NTRK3: variants seen among roughly 807,000 people sequenced by gnomAD.
The protein encoded by NTRK3 is neurotrophic receptor tyrosine kinase 3.
A neutral mutation model predicts 91.7 loss-of-function variants in NTRK3; 24 were observed. The ratio of observed to expected loss-of-function variants is 0.26; its 90% CI spans 0.19 to 0.37. The LOEUF (loss-of-function observed/expected upper bound fraction) is 0.37, where lower values mean the gene tolerates loss of function less well. NTRK3 is among the 10% of genes least tolerant of loss of function. The probability of loss-of-function intolerance (pLI) is 1.00; values close to 1 mark genes in which losing one functional copy is unlikely to be tolerated. For synonymous variants in NTRK3, 483 were observed against 404.0 expected, an observed-to-expected ratio of 1.20 and a Z score of -2.34; for missense variants, 880 against 1,068.9, an observed-to-expected ratio of 0.82 and a Z score of 2.46.
intron 16 of NTRK3, among the ~76,000 whole-genome samples, chr15:87,930,001 A>T (rs1191330524): frequency 6.6e-6 from 1 of 152,136 alleles, no homozygotes; most frequent in Non-Finnish European, 1.5e-5. Flanking sequence ...TTGTTCCAAG[A>T]TTCCCTGGCC....
intron 17 of NTRK3, among the ~76,000 whole-genome samples, chr15:87,895,824 T>A (rs2066089605): frequency 6.6e-6 from 1 of 151,654 alleles, no homozygotes; most frequent in Admixed American, 6.6e-5. Context: ...ATTTATTTAT[T>A]TTTATTATAC....
intron 14 of NTRK3, among the ~76,000 whole-genome samples, chr15:87,953,945 C>T (rs2071400240): frequency 2.0e-5 from 3 of 151,922 alleles, no homozygotes; most frequent in Admixed American, 1.3e-4. Flanking sequence ...GGTTATCGAC[C>T]TCCATTGCCA....
intron 14 of NTRK3, among the ~76,000 whole-genome samples, chr15:88,025,105 G>A (rs1200635701): frequency 6.6e-6 from 1 of 152,216 alleles, no homozygotes; most frequent in South Asian, 2.1e-4. Context: ...AGGACAGTGT[G>A]CATCCACAAG....
At chr15:87,862,080 T>C (rs2064542487) in exon 19 of NTRK3, 1 of 214,914 alleles carries the variant, frequency 4.7e-6, no homozygotes, top group African/African-American at 2.3e-5. Flanking sequence ...ACAAAACTCC[T>C]CTATTCTAAA....
intron 3 of NTRK3, among the ~76,000 whole-genome samples, chr15:88,192,905 C>T (rs948659391): frequency 8.5e-5 from 13 of 152,292 alleles, no homozygotes; most frequent in Admixed American, 1.3e-4. Flanking sequence ...CTGGCACAAA[C>T]GCCTGTTTAT....
chr15:88,256,367 G>C, exon 2 of NTRK3: 3 of 635,882 alleles, frequency 4.7e-6, no homozygotes, highest in Non-Finnish European at 8.4e-6. Flanking sequence ...GCCGCCGCCG[G>C]GTGGGAGCCG....
intron 14 of NTRK3, chr15:87,946,266 G>C (rs2070487419): frequency 6.6e-6 from 1 of 152,174 alleles, no homozygotes; most frequent in Non-Finnish European, 1.5e-5. Context: ...AGGTTGGTCA[G>C]ACAGTGGAAT....
At chr15:87,910,436 G>A (rs1200128765) in intron 17 of NTRK3, among the ~76,000 whole-genome samples, 6 of 152,196 alleles carry the variant, frequency 3.9e-5, no homozygotes, top group East Asian at 3.9e-4. Context: ...GGATGCTAAC[G>A]GTTGCTGAGG....
intron 14 of NTRK3, among the ~76,000 whole-genome samples, chr15:88,020,592 A>G (rs746931367): frequency 2.6e-5 from 4 of 152,200 alleles, no homozygotes; most frequent in Non-Finnish European, 5.9e-5. Flanking sequence ...GGATGATCAC[A>G]TATTGTCACT....
chr15:88,107,367 C>T (rs768335890), intron 13 of NTRK3, among the ~76,000 whole-genome samples: 2 of 152,142 alleles, frequency 1.3e-5, no homozygotes, highest in Non-Finnish European at 2.9e-5. Context: ...CACTTGAGCC[C>T]AGGAGTTGGA....
intron 13 of NTRK3, among the ~76,000 whole-genome samples, chr15:88,089,047 CA>C (rs2048767458): frequency 6.6e-6 from 1 of 151,540 alleles, no homozygotes; most frequent in South Asian, 2.1e-4. Context: ...CAGCCATCAT[CA>C]TCATCTTCAT....
chr15:87,895,632 C>T (rs2066073451), intron 17 of NTRK3, among the ~76,000 whole-genome samples: 1 of 152,116 alleles, frequency 6.6e-6, no homozygotes, highest in African/African-American at 2.4e-5. Context: ...TTTCCTTCCT[C>T]TCTTTCCAGA....
chr15:87,912,923 T>TTA (rs1248515447), intron 17 of NTRK3, among the ~76,000 whole-genome samples: 1 of 39,794 alleles, frequency 2.5e-5, no homozygotes, highest in Non-Finnish European at 4.3e-5. Context: ...TTTCAAAAAG[T>TTA]AAAAAAAAAT....
At chr15:87,989,036 T>C (rs145164248) in intron 14 of NTRK3, among the ~76,000 whole-genome samples, 2,818 of 152,218 alleles carry the variant, frequency 0.019, 83 homozygotes, top group African/African-American at 0.065. Flanking sequence ...GAAATAGGAA[T>C]ACTTTTACAC....
At chr15:88,139,695 G>A (rs1239818857) in intron 6 of NTRK3, among the ~76,000 whole-genome samples, 2 of 152,104 alleles carry the variant, frequency 1.3e-5, no homozygotes, top group African/African-American at 4.8e-5. Context: ...AAGGAGGGAG[G>A]GGCCCTCTCT....
chr15:87,890,697 C>T (rs1280139106), intron 17 of NTRK3, among the ~76,000 whole-genome samples: 2 of 152,078 alleles, frequency 1.3e-5, no homozygotes, highest in African/African-American at 4.8e-5. Context: ...ATGCCTGTGT[C>T]TTCTCACATA....
At chr15:88,130,720 C>A (rs951293591) in intron 10 of NTRK3, among the ~76,000 whole-genome samples, 4 of 152,088 alleles carry the variant, frequency 2.6e-5, no homozygotes, top group Admixed American at 6.5e-5. Context: ...TTGCAAAGTT[C>A]CAAGATCATG....
intron 5 of NTRK3, among the ~76,000 whole-genome samples, chr15:88,168,653 G>A (rs1052972068): frequency 2.6e-5 from 4 of 152,204 alleles, no homozygotes; most frequent in Admixed American, 2.0e-4. Context: ...CCTGCAGGGA[G>A]TGAGCTGCCC....
intron 14 of NTRK3, among the ~76,000 whole-genome samples, chr15:88,007,971 G>T (rs891215945): frequency 2.0e-5 from 3 of 152,102 alleles, no homozygotes; most frequent in Non-Finnish European, 4.4e-5. Flanking sequence ...CAGAAGATTT[G>T]CCAAGGAATT....
Sources: gnomAD v4.1 joint callset for allele counts (sites outside exome capture counted in the v4.1 genomes callset) on GRCh38, gnomAD v4.1.1 for gene constraint, MANE v1.5 for transcripts, NCBI Gene and HGNC (gene_info 2026-07-23, HGNC 2026-07-21) for gene names.